KCNMB2: variants seen among roughly 807,000 people sequenced by gnomAD.
The protein encoded by KCNMB2 is potassium calcium-activated channel subfamily M regulatory beta subunit 2.
Under a neutral mutation model 24.5 loss-of-function variants are expected in KCNMB2, and 9 were observed. The observed-to-expected ratio is 0.37, with a 90% CI of 0.22 to 0.64. The LOEUF (loss-of-function observed/expected upper bound fraction) is 0.64, where lower values mean the gene tolerates loss of function less well. Among genes scored for constraint, KCNMB2 ranks in the 30% least tolerant of loss-of-function variants. The probability of loss-of-function intolerance (pLI) is 0.63; values close to 1 mark genes in which losing one functional copy is unlikely to be tolerated. For missense variants in KCNMB2, 226 were observed against 284.3 expected (o/e 0.79, Z 1.47); for synonymous variants, 109 against 104.4 (o/e 1.04, Z -0.27).
At chr3:178,750,849 A>G (rs2108388577) in intron 1 of KCNMB2, among the ~76,000 whole-genome samples, 1 of 152,132 alleles carries the variant, frequency 6.6e-6, no homozygotes. Flanking sequence ...TTCCTCATCA[A>G]CTCCAGCAGG....
At chr3:178,695,097 T>C (rs980235394) in intron 1 of KCNMB2, among the ~76,000 whole-genome samples, 1 of 152,250 alleles carries the variant, frequency 6.6e-6, no homozygotes, top group African/African-American at 2.4e-5. Context: ...AATTCTTGTA[T>C]GCTACACACT....
At chr3:178,796,063 A>C (rs1475495887) in intron 1 of KCNMB2, among the ~76,000 whole-genome samples, 1 of 152,272 alleles carries the variant, frequency 6.6e-6, no homozygotes, top group South Asian at 2.1e-4. Flanking sequence ...ATGCTTGTGA[A>C]GTCAAGCAAG....
chr3:178,614,333 G>GTATATATATATATATGTATGTA (rs56220619), intron 1 of KCNMB2, among the ~76,000 whole-genome samples: 8 of 108,556 alleles, frequency 7.4e-5, no homozygotes, highest in African/African-American at 1.0e-4. Flanking sequence ...ATATATGTAT[G>GTATATATATATATATGTATGTA]TATATATATA....
intron 1 of KCNMB2, chr3:178,559,107 A>T (rs1253570760): frequency 6.6e-6 from 1 of 152,180 alleles, no homozygotes; most frequent in East Asian, 1.9e-4. Flanking sequence ...ACTGGTTTGG[A>T]TGTTTTGTAA....
chr3:178,594,316 G>A (rs1577035323), intron 1 of KCNMB2, among the ~76,000 whole-genome samples: 2 of 152,062 alleles, frequency 1.3e-5, no homozygotes, highest in African/African-American at 4.8e-5. Context: ...AGCGTGAGAA[G>A]AGCAAAAGCA....
intron 1 of KCNMB2, among the ~76,000 whole-genome samples, chr3:178,778,514 C>T (rs1473847407): frequency 6.7e-6 from 1 of 149,680 alleles, no homozygotes; most frequent in Non-Finnish European, 1.5e-5. Flanking sequence ...CTGTTCCAGG[C>T]TCACTCCCTG....
intron 1 of KCNMB2, among the ~76,000 whole-genome samples, chr3:178,631,069 A>G (rs1041542194): frequency 1.3e-5 from 2 of 152,202 alleles, no homozygotes; most frequent in Non-Finnish European, 1.5e-5. Flanking sequence ...ATACGGAGAA[A>G]GTGTTTCTAC....
chr3:178,571,591 G>A (rs916195188), intron 1 of KCNMB2, among the ~76,000 whole-genome samples: 9 of 151,326 alleles, frequency 5.9e-5, no homozygotes, highest in East Asian at 2.0e-4. Context: ...AGGTATACAC[G>A]TGCCATGGTG....
intron 1 of KCNMB2, among the ~76,000 whole-genome samples, chr3:178,778,867 A>G (rs1178940445): frequency 6.6e-6 from 1 of 152,182 alleles, no homozygotes; most frequent in Non-Finnish European, 1.5e-5. Flanking sequence ...GTGTCAAGAC[A>G]TGTTATGCTG....
intron 1 of KCNMB2, among the ~76,000 whole-genome samples, chr3:178,766,283 T>C (rs1447248182): frequency 5.9e-5 from 9 of 152,160 alleles, no homozygotes; most frequent in Admixed American, 5.9e-4. Flanking sequence ...ACCCTCAAAT[T>C]CCTGGGCTCA....
chr3:178,610,723 A>C (rs555297965), intron 1 of KCNMB2, among the ~76,000 whole-genome samples: 1 of 152,322 alleles, frequency 6.6e-6, no homozygotes, highest in Admixed American at 6.5e-5. Context: ...TTTTCCAGTC[A>C]GGATGCCCAT....
chr3:178,792,865 G>A lies in KCNMB2; in HGVS notation c.-67-14478G>A, dbSNP rs756196908. Among the ~76,000 whole-genome samples the A allele has an allele frequency of 3.9e-5, 6 of 152,328 alleles. No homozygotes were observed. In the East Asian group the frequency reaches 5.8e-4, roughly 15 times the overall value. On this transcript the variant is annotated intron_variant, in intron 1 of 4. Coordinates refer to ENST00000452583, the MANE Select transcript of KCNMB2 (RefSeq NM_181361.3). The stretch of plus-strand genomic sequence containing the variant: ...GTCACTGCCAAGCCTGCAGCCTGAC[G>A]CCCTCTCAATAGTGCCTGCATTGGG...
At chr3:178,734,760 A>T (rs750544751) in intron 1 of KCNMB2, among the ~76,000 whole-genome samples, 1 of 151,980 alleles carries the variant, frequency 6.6e-6, no homozygotes, top group Non-Finnish European at 1.5e-5. Context: ...AAGTCAAAGA[A>T]CCGAGTTAAC....
At chr3:178,703,154 GACC>G (rs1722159509) in intron 1 of KCNMB2, among the ~76,000 whole-genome samples, 1 of 152,102 alleles carries the variant, frequency 6.6e-6, no homozygotes, top group Non-Finnish European at 1.5e-5. Flanking sequence ...TGATGACAAT[GACC>G]ACGAGTTCTT....
chr3:178,798,224 G>A (rs1191625868), intron 1 of KCNMB2, among the ~76,000 whole-genome samples: 1 of 152,068 alleles, frequency 6.6e-6, no homozygotes, highest in East Asian at 1.9e-4. Flanking sequence ...GTTTTCAAGG[G>A]GAAGGCTTCC....
intron 4 of KCNMB2, among the ~76,000 whole-genome samples, chr3:178,830,628 A>G (rs908216104): frequency 2.6e-5 from 4 of 152,132 alleles, no homozygotes; most frequent in Non-Finnish European, 4.4e-5. Flanking sequence ...ACATTTGGTA[A>G]TATCTGTAAT....
In KCNMB2 at chr3:178,579,702, C is replaced by T. The variant is rs189998051; in HGVS notation, c.-68+42991C>T. ...GATAAAGGGGATATCACCTCTTATA[C>T]CATAGAAATACAAACTACCATCAGA... On this transcript the variant is annotated intron_variant, in intron 1 of 4. Transcript: ENST00000452583. Among the ~76,000 whole-genome samples, 548 of 152,212 alleles carry T rather than the reference C, an allele frequency of 3.6e-3. 5 individuals are homozygous for T. Among genetic ancestry groups the T allele is most frequent in the African/African-American group, 0.013 (528 of 41,536 alleles).
intron 1 of KCNMB2, among the ~76,000 whole-genome samples, chr3:178,738,813 T>G (rs112802603): frequency 1.2e-4 from 18 of 152,266 alleles, no homozygotes; most frequent in African/African-American, 4.1e-4. Context: ...AACTTTGTCT[T>G]TACCAGCATC....
At chr3:178,549,612 C>T (rs1366947894) in intron 1 of KCNMB2, among the ~76,000 whole-genome samples, 1 of 151,726 alleles carries the variant, frequency 6.6e-6, no homozygotes, top group African/African-American at 2.4e-5. Flanking sequence ...TAGGCGTGAA[C>T]CACCATGTCA....
Sources: allele counts gnomAD v4.1 joint callset (sites outside exome capture counted in the v4.1 genomes callset), GRCh38; gene constraint gnomAD v4.1.1; transcripts MANE v1.5; gene names NCBI Gene and HGNC (gene_info 2026-07-23, HGNC 2026-07-21).